The following BCAS3 variants were observed in gnomAD, a reference collection of about 807,000 sequenced individuals.
The protein encoded by BCAS3 is BCAS4/BCAS3 fusion.
BCAS3 carries 53 observed loss-of-function variants against 116.1 expected under a neutral mutation model. That is an observed-to-expected ratio of 0.46 (90% CI 0.37 to 0.57). BCAS3 has a LOEUF of 0.57. BCAS3 is among the 20% of genes least tolerant of loss of function. BCAS3 has a pLI of 0.00. For synonymous variants in BCAS3, 391 were observed against 408.2 expected (o/e 0.96, Z 0.51); for missense variants, 917 against 1,165.4 (o/e 0.79, Z 3.10).
At position 61,364,280 on chromosome 17, in the gene BCAS3, G is replaced by A. The variant is rs145801289; in HGVS notation, c.2426-4047G>A. 5.5e-3 allele frequency among the ~76,000 whole-genome samples: 831 copies of A among 152,304 alleles called. 5 individuals carry two copies. The highest frequency in any genetic ancestry group is 0.019 in the African/African-American group (799 of 41,576). On this transcript the variant is annotated intron_variant, in intron 22 of 23. Coordinates refer to ENST00000407086, the MANE Select transcript of BCAS3 (RefSeq NM_017679.5). The surrounding 1 kb of genome is among the most constrained non-coding windows in gnomAD (Gnocchi z 5.4). ...TTGTGTTTCTCCTGTGTGCCATCCC[G>A]TAAACATGGTGACTCATCGTCACCA...
rs7222210 is a variant in BCAS3 at position 61,128,468 on chromosome 17, T to C, written c.2425+43904T>C. 23,218 of 985,294 alleles carry C rather than the reference T, an allele frequency of 0.024. 3,404 individuals are homozygous for C. In the African/African-American group the frequency reaches 0.34, roughly 14 times the overall value. The allele number at this position is 985,294 out of a possible 1,614,324, so 61.0% of individuals were successfully genotyped here. A position where few individuals can be genotyped will look rare whatever the true frequency, so the allele number is the denominator to read the frequency against. On this transcript the variant is annotated intron_variant, in intron 22 of 23. Coordinates refer to ENST00000407086, the MANE Select transcript of BCAS3 (RefSeq NM_017679.5). This position sits in a 1 kb window ranked among gnomAD's most constrained non-coding sequence, Gnocchi z 4.1. ...GAGTAATAATAATAGATTTGGAGAA[T>C]GTTCTGTGTTTTCAAAGACAGAGGT...
chr17:61,108,687 T>C (rs2143713843), intron 22 of BCAS3, among the ~76,000 whole-genome samples: 1 of 151,972 alleles, frequency 6.6e-6, no homozygotes, highest in South Asian at 2.1e-4. Flanking sequence ...TGGTGATTTC[T>C]GAGATTTTTG....
At chr17:61,293,116 C>T (rs978364731) in intron 22 of BCAS3, among the ~76,000 whole-genome samples, 27 of 152,096 alleles carry the variant, frequency 1.8e-4, no homozygotes, top group African/African-American at 6.5e-4. Flanking sequence ...CTTCTGTGGA[C>T]TCATGTTCTG....
chr17:60,988,360 T>TTTTTTTTTTTTTTTTTG (rs1555651709), intron 14 of BCAS3, among the ~76,000 whole-genome samples: 9 of 134,810 alleles, frequency 6.7e-5, no homozygotes, highest in African/African-American at 2.5e-4. Context: ...TTTTTTTTTT[T>TTTTTTTTTTTTTTTTTG]ATGTATGTGT....
intron 7 of BCAS3, among the ~76,000 whole-genome samples, chr17:60,838,576 T>A (rs2144750301): frequency 6.6e-6 from 1 of 152,090 alleles, no homozygotes; most frequent in Non-Finnish European, 1.5e-5. Flanking sequence ...AACTTTCTCC[T>A]GCAAGAAATA....
intron 6 of BCAS3, among the ~76,000 whole-genome samples, chr17:60,803,435 T>C (rs2047989796): frequency 6.6e-6 from 1 of 152,194 alleles, no homozygotes; most frequent in African/African-American, 2.4e-5. Context: ...TCAGGTTTTT[T>C]CCCCCATGCA....
At chr17:61,101,775 C>T (rs1051392506) in intron 22 of BCAS3, among the ~76,000 whole-genome samples, 6 of 152,086 alleles carry the variant, frequency 3.9e-5, no homozygotes, top group Admixed American at 2.6e-4. Context: ...TACCTCCCTA[C>T]CTTGATTTCA....
At chr17:61,312,616 G>A (rs2054402219) in intron 22 of BCAS3, among the ~76,000 whole-genome samples, 1 of 152,128 alleles carries the variant, frequency 6.6e-6, no homozygotes, top group African/African-American at 2.4e-5. Flanking sequence ...TTTGATCTGA[G>A]TTGCTTCTGT....
At chr17:60,914,290 G>T (rs914410561) in intron 12 of BCAS3, among the ~76,000 whole-genome samples, 2 of 152,254 alleles carry the variant, frequency 1.3e-5, no homozygotes, top group African/African-American at 4.8e-5. Flanking sequence ...TGATGCAATG[G>T]AGAAGATTCT....
chr17:60,923,729 T>C (rs1599717097), intron 12 of BCAS3, among the ~76,000 whole-genome samples: 1 of 152,164 alleles, frequency 6.6e-6, no homozygotes, highest in East Asian at 1.9e-4. Flanking sequence ...TTATATGGAA[T>C]GTAAATTATA....
At chr17:60,810,665 A>G in intron 7 of BCAS3, 1 of 668,118 alleles carries the variant, frequency 1.5e-6, no homozygotes, top group Non-Finnish European at 2.8e-6. Flanking sequence ...TTTAGAGTCA[A>G]GTATGAGACA....
intron 7 of BCAS3, chr17:60,810,922 T>A (rs2048750843): frequency 2.9e-6 from 2 of 695,220 alleles, no homozygotes; most frequent in Non-Finnish European, 5.3e-6. Context: ...GGCAGACATC[T>A]GGGCCCAATA....
rs746054422 is a variant in BCAS3 at position 61,365,972 on chromosome 17, G to A, written c.2426-2355G>A. On this transcript the variant is annotated intron_variant, in intron 22 of 23. Transcript: ENST00000407086. The surrounding 1 kb of genome is among the most constrained non-coding windows in gnomAD (Gnocchi z 4.6). ...AGCCTGGCCTACATGGTGAAACCCC[G>A]TCTCTACTAAAAACACAAAAATTAG... 2.0e-5 allele frequency among the ~76,000 whole-genome samples: 3 copies of A among 151,834 alleles called. No individual in the cohort carries two copies. Among genetic ancestry groups the A allele is most frequent in the Non-Finnish European group, 4.4e-5 (3 of 67,952 alleles).
chr17:61,314,392 C>T (rs1041045748), intron 22 of BCAS3, among the ~76,000 whole-genome samples: 3 of 152,210 alleles, frequency 2.0e-5, no homozygotes, highest in Non-Finnish European at 2.9e-5. Context: ...GAAAGGGAAC[C>T]GCAGAATCCC....
chr17:60,996,737 T>G (rs1044657689), intron 15 of BCAS3, among the ~76,000 whole-genome samples: 4 of 151,950 alleles, frequency 2.6e-5, no homozygotes, highest in Non-Finnish European at 2.9e-5. Flanking sequence ...TGTAGGTAAG[T>G]GAGTATAAAA....
At chr17:60,889,505 G>GAAACTAAAT (rs1196533217) in intron 9 of BCAS3, among the ~76,000 whole-genome samples, 190 bp from the exon 10 acceptor site, 3 of 152,154 alleles carry the variant, frequency 2.0e-5, no homozygotes, top group African/African-American at 7.2e-5. Flanking sequence ...AAGCCAAAAG[G>GAAACTAAAT]AAACTAAATA....
Position 61,132,051 on chromosome 17 carries a change from G to A in BCAS3, c.2425+47487G>A, listed in dbSNP as rs1477753015. Among the ~76,000 whole-genome samples, 1 of 152,106 alleles carries A rather than the reference G, an allele frequency of 6.6e-6. No individual in the cohort carries two copies. Among genetic ancestry groups the A allele is most frequent in the Non-Finnish European group, 1.5e-5 (1 of 68,030 alleles). ...ACCGTGTTCTCCTTATAGCCACTCTGTCCCCAAAGAAGTTTTTAATGCTTT... is the reference window on the plus strand; with the variant it reads ...ACCGTGTTCTCCTTATAGCCACTCTATCCCCAAAGAAGTTTTTAATGCTTT... On this transcript the variant is annotated intron_variant, in intron 22 of 23. Coordinates refer to ENST00000407086, the MANE Select transcript of BCAS3 (RefSeq NM_017679.5). The surrounding 1 kb of genome is among the most constrained non-coding windows in gnomAD (Gnocchi z 5.1).
chr17:61,038,084 A>C, intron 18 of BCAS3, 30 bp downstream of exon 18: 13 of 1,590,062 alleles, frequency 8.2e-6, no homozygotes, highest in Non-Finnish European at 1.1e-5. Context: ...TTTCTTTTTA[A>C]CAGCTTCATT....
chr17:61,382,631 G>A (rs1046898605), intron 23 of BCAS3, among the ~76,000 whole-genome samples: 2 of 151,258 alleles, frequency 1.3e-5, no homozygotes, highest in African/African-American at 4.9e-5. Flanking sequence ...ACTCCAGCCT[G>A]GGTGAAAGAG....
Sources: allele counts gnomAD v4.1 joint callset (sites outside exome capture counted in the v4.1 genomes callset), GRCh38; gene constraint gnomAD v4.1.1; non-coding constraint Gnocchi (gnomAD v3.1); transcripts MANE v1.5; gene names NCBI Gene and HGNC (gene_info 2026-07-23, HGNC 2026-07-21).